CFAP54: variants seen among roughly 807,000 people sequenced by gnomAD.
CFAP54 encodes the protein cilia- and flagella-associated protein 54.
In CFAP54, 290 loss-of-function variants were observed where a neutral mutation model predicts 370.4. The ratio of observed to expected loss-of-function variants is 0.78; its 90% CI spans 0.71 to 0.86. The LOEUF is 0.86. CFAP54 is among the 40% of genes least tolerant of loss of function. The pLI is 0.00. For synonymous variants in CFAP54, 1,206 were observed against 1,236.5 expected, an observed-to-expected ratio of 0.98 and a Z score of 0.52; for missense variants, 3,399 against 3,528.7, an observed-to-expected ratio of 0.96 and a Z score of 0.93.
At chr12:96,865,054 C>G (rs1416404018) in intron 67 of CFAP54, among the ~76,000 whole-genome samples, 3 of 152,204 alleles carry the variant, frequency 2.0e-5, no homozygotes, top group Non-Finnish European at 4.4e-5. Context: ...TGCTTAACTA[C>G]TCTTTGCCAT....
intron 63 of CFAP54, among the ~76,000 whole-genome samples, chr12:96,807,509 C>T (rs925181206): frequency 6.6e-6 from 1 of 152,122 alleles, no homozygotes; most frequent in African/African-American, 2.4e-5. Context: ...ATTCAATAGT[C>T]CTCAGTGTTT....
chr12:96,722,838 A>G (rs1400179931), intron 50 of CFAP54, among the ~76,000 whole-genome samples: 2 of 152,178 alleles, frequency 1.3e-5, no homozygotes, highest in Non-Finnish European at 2.9e-5. Flanking sequence ...TTTTACAGAT[A>G]TTGGATGTAA....
At chr12:96,655,307 T>C (rs992246091) in intron 36 of CFAP54, among the ~76,000 whole-genome samples, 3 of 150,512 alleles carry the variant, frequency 2.0e-5, no homozygotes, top group African/African-American at 7.3e-5. Flanking sequence ...ACAGGGCTTC[T>C]TTGGAAAAAA....
chr12:96,792,131 T>C (rs1333073949), intron 62 of CFAP54, among the ~76,000 whole-genome samples, 198 bp from the exon 63 acceptor site: 1 of 152,176 alleles, frequency 6.6e-6, no homozygotes, highest in African/African-American at 2.4e-5. Context: ...ATTACAGGCG[T>C]CAGCCACCGC....
At position 96,712,729 on chromosome 12, in the gene CFAP54, AAAC is replaced by A. The variant is rs1957628319; in HGVS notation, c.6724+3929_6724+3931del. ...ACCACCGTTCTCTCTACCTCCATGA[AAAC>A]AATTCTTTTCTTAGCTCTCACATAT... On this transcript the variant is annotated intron_variant, in intron 48 of 67. Transcript: ENST00000524981. Among the ~76,000 whole-genome samples, 3 of 152,246 alleles carry A rather than the reference AAAC, an allele frequency of 2.0e-5. No homozygotes were observed. The South Asian group carries it at 6.2e-4, about 32-fold the overall frequency.
chr12:96,627,475 C>T (rs1457656193), intron 30 of CFAP54, among the ~76,000 whole-genome samples: 1 of 152,216 alleles, frequency 6.6e-6, no homozygotes, highest in Non-Finnish European at 1.5e-5. Context: ...ATGAATCCAA[C>T]TTTTCTTTTA....
intron 48 of CFAP54, among the ~76,000 whole-genome samples, chr12:96,714,822 T>A (rs1957656626): frequency 6.6e-6 from 1 of 151,942 alleles, no homozygotes; most frequent in South Asian, 2.1e-4. Flanking sequence ...TTTGTTTTGA[T>A]GGGAATCATC....
At chr12:96,648,886 C>A (rs1455981007) in intron 34 of CFAP54, among the ~76,000 whole-genome samples, 1 of 152,078 alleles carries the variant, frequency 6.6e-6, no homozygotes, top group East Asian at 1.9e-4. Flanking sequence ...CTGCGCCCGG[C>A]CGAAAACAGG....
chr12:96,654,832 A>ATTTTTTTTTTTTTTTTTTTTTTTTTTTT (rs10631171), intron 36 of CFAP54, among the ~76,000 whole-genome samples: 1 of 132,064 alleles, frequency 7.6e-6, no homozygotes, highest in Non-Finnish European at 1.6e-5. Context: ...ATTTCACTTA[A>ATTTTTTTTTTTTTTTTTTTTTTTTTTTT]TTTTTTTTTT....
At chr12:96,833,703 G>A (rs1164362364) in intron 66 of CFAP54, among the ~76,000 whole-genome samples, 1 of 151,884 alleles carries the variant, frequency 6.6e-6, no homozygotes, top group Non-Finnish European at 1.5e-5. Flanking sequence ...GGGTTTGGTA[G>A]GATTTTCTTT....
intron 50 of CFAP54, among the ~76,000 whole-genome samples, chr12:96,732,394 A>C (rs1419959912): frequency 7.9e-5 from 12 of 152,220 alleles, no homozygotes; most frequent in African/African-American, 2.4e-4. Context: ...GGCCTCCCAA[A>C]GTGCTGGGAT....
chr12:96,542,104 A>G (rs1173373866), intron 14 of CFAP54, among the ~76,000 whole-genome samples: 2 of 152,212 alleles, frequency 1.3e-5, no homozygotes, highest in East Asian at 1.9e-4. Context: ...CCCCACTTAT[A>G]GAGCATGTAT....
At chr12:96,612,043 C>T (rs552848186) in intron 26 of CFAP54, among the ~76,000 whole-genome samples, 10 of 152,176 alleles carry the variant, frequency 6.6e-5, no homozygotes, top group African/African-American at 1.9e-4. Flanking sequence ...TTACAGAGAA[C>T]GCCACAAAGA....
intron 45 of CFAP54, among the ~76,000 whole-genome samples, chr12:96,699,616 G>A (rs1328567292): frequency 6.6e-6 from 1 of 151,868 alleles, no homozygotes. Context: ...TTTTTCTTTT[G>A]AGCTATAGTT....
chr12:96,589,453 AT>A lies in CFAP54; in HGVS notation c.3104del (p.Leu1035TrpfsTer27). On this transcript the variant is annotated frameshift_variant, in exon 23 of 68. Transcript: ENST00000524981. LOFTEE classifies it high-confidence loss of function. ...TTGCCTATCAAGTTGGTAACTATGA[AT>A]TGGCTAAGAAAGTTTTCTCACCAGT... is the stretch of plus-strand genomic sequence containing the variant. ...QVAYQVGNYE[L>X]AKKVFSPVWD... 6.5e-7 allele frequency: 1 copy of A among 1,532,936 alleles called. No homozygotes were observed. The highest frequency in any genetic ancestry group is 8.7e-7 in the Non-Finnish European group (1 of 1,144,364). The allele number at this position is 1,532,936 out of a possible 1,614,324, so 95.0% of individuals were successfully genotyped here. A position where few individuals can be genotyped will look rare whatever the true frequency, so the allele number is the denominator to read the frequency against.
At chr12:96,570,549 G>C (rs1897023933) in intron 19 of CFAP54, among the ~76,000 whole-genome samples, 1 of 152,088 alleles carries the variant, frequency 6.6e-6, no homozygotes, top group Admixed American at 6.6e-5. Flanking sequence ...ATAGTGGTTA[G>C]GAGTATAAGG....
At chr12:96,650,950 CTTAG>C (rs1038453211) in intron 35 of CFAP54, among the ~76,000 whole-genome samples, 2 of 152,198 alleles carry the variant, frequency 1.3e-5, no homozygotes, top group Non-Finnish European at 2.9e-5. Context: ...CTTGAAAGCA[CTTAG>C]TTTGTTCCAT....
At chr12:96,648,463 C>T (rs1184284351) in intron 34 of CFAP54, among the ~76,000 whole-genome samples, 1 of 151,864 alleles carries the variant, frequency 6.6e-6, no homozygotes, top group Admixed American at 6.6e-5. Context: ...CCACCATTGC[C>T]CTAGGATTTC....
chr12:96,791,044 A>G (rs1958686485), intron 62 of CFAP54, among the ~76,000 whole-genome samples: 1 of 152,200 alleles, frequency 6.6e-6, no homozygotes. Context: ...ACTGACAAAT[A>G]CTGCTTGGTC....
Sources: gnomAD v4.1 joint callset for allele counts (sites outside exome capture counted in the v4.1 genomes callset) on GRCh38, gnomAD v4.1.1 for gene constraint, MANE v1.5 for transcripts, NCBI Gene and HGNC (gene_info 2026-07-23, HGNC 2026-07-21) for gene names.